BCAS3: variants seen among roughly 807,000 people sequenced by gnomAD.
BCAS3 encodes the protein BCAS3 microtubule associated cell migration factor.
A neutral mutation model predicts 116.1 loss-of-function variants in BCAS3; 53 were observed. The observed-to-expected ratio is 0.46, with a 90% CI of 0.37 to 0.57. The LOEUF is 0.57. BCAS3 is among the 20% of genes least tolerant of loss of function. The pLI is 0.00. For synonymous variants in BCAS3, 391 were observed against 408.2 expected (o/e 0.96, Z 0.51); for missense variants, 917 against 1,165.4 (o/e 0.79, Z 3.10).
In BCAS3 at chr17:61,205,615, G is replaced by A. The variant is rs1419060367; in HGVS notation, c.2425+121051G>A. ...GTCTGTGTGATTGCTACCACATGCT[G>A]TAGCGCCTCCTAACCCTGCCGTTGG... On this transcript the variant is annotated intron_variant, in intron 22 of 23. Coordinates refer to ENST00000407086, the MANE Select transcript of BCAS3 (RefSeq NM_017679.5). This position sits in a 1 kb window ranked among gnomAD's most constrained non-coding sequence, Gnocchi z 5.2. 1.3e-5 allele frequency among the ~76,000 whole-genome samples: 2 copies of A among 152,176 alleles called. No individual in the cohort carries two copies. Among genetic ancestry groups the A allele is most frequent in the Non-Finnish European group, 2.9e-5 (2 of 68,026 alleles).
At position 61,332,183 on chromosome 17, in the gene BCAS3, C is replaced by T. The variant is rs2056348744; in HGVS notation, c.2426-36144C>T. Among the ~76,000 whole-genome samples, 1 of 152,206 alleles carries T rather than the reference C, an allele frequency of 6.6e-6. No homozygotes were observed. Among genetic ancestry groups the T allele is most frequent in the Non-Finnish European group, 1.5e-5 (1 of 68,036 alleles). On this transcript the variant is annotated intron_variant, in intron 22 of 23. Transcript: ENST00000407086. The surrounding 1 kb of genome is among the most constrained non-coding windows in gnomAD (Gnocchi z 5.4). Reference sequence around the variant, plus strand: ...CTGGAAAGGCTCTGCAGAGAGACACCTGGATGGCTTCTCTTCTATGTTTCG... The same window carrying T: ...CTGGAAAGGCTCTGCAGAGAGACACTTGGATGGCTTCTCTTCTATGTTTCG...
At chr17:60,812,514 T>C (rs1598884601) in intron 7 of BCAS3, among the ~76,000 whole-genome samples, 1 of 152,124 alleles carries the variant, frequency 6.6e-6, no homozygotes, top group Admixed American at 6.5e-5. Context: ...GGAGATGTGA[T>C]AGTTTTGTAA....
At chr17:61,157,048 C>A (rs1366684559) in intron 22 of BCAS3, among the ~76,000 whole-genome samples, 1 of 152,132 alleles carries the variant, frequency 6.6e-6, no homozygotes, top group Non-Finnish European at 1.5e-5. Flanking sequence ...TGAACTTTCT[C>A]TTTGCTCTGG....
In BCAS3 at chr17:61,141,491, G is replaced by C. The variant is rs577130841; in HGVS notation, c.2425+56927G>C. Among the ~76,000 whole-genome samples the C allele has an allele frequency of 6.6e-6, 1 of 152,166 alleles. No homozygotes were observed. On this transcript the variant is annotated intron_variant, in intron 22 of 23. Coordinates refer to ENST00000407086, the MANE Select transcript of BCAS3 (RefSeq NM_017679.5). This position sits in a 1 kb window ranked among gnomAD's most constrained non-coding sequence, Gnocchi z 4.3. The stretch of plus-strand genomic sequence containing the variant: ...AAGGATTCCTTGAGTCCAGGAGTTC[G>C]AGACTGCAGTGAGTTATGATCACAC...
intron 19 of BCAS3, 22 bp from the exon 20 acceptor site, chr17:61,074,898 A>C: frequency 6.4e-7 from 1 of 1,554,304 alleles, no homozygotes; most frequent in South Asian, 1.2e-5. Flanking sequence ...AGTGGTTTAA[A>C]TCTATTTTCT....
chr17:61,128,667 G>A lies in BCAS3; in HGVS notation c.2425+44103G>A, dbSNP rs1037372055. The A allele has an allele frequency of 5.7e-5, 51 of 898,118 alleles. No individual in the cohort carries two copies. The highest frequency in any genetic ancestry group is 6.5e-5 in the Non-Finnish European group (49 of 750,804). 55.6% of individuals were successfully genotyped at this position (898,118 alleles called of 1,614,324 possible). Reference sequence around the variant, plus strand: ...GTTAGCCCTCTTTTGTATTGTTTCTGCATCGTCCTGTCAAACATCTGGAAA... The same window carrying A: ...GTTAGCCCTCTTTTGTATTGTTTCTACATCGTCCTGTCAAACATCTGGAAA... On this transcript the variant is annotated intron_variant, in intron 22 of 23. Coordinates refer to ENST00000407086, the MANE Select transcript of BCAS3 (RefSeq NM_017679.5). The surrounding 1 kb of genome is among the most constrained non-coding windows in gnomAD (Gnocchi z 4.1).
intron 22 of BCAS3, among the ~76,000 whole-genome samples, chr17:61,153,205 G>C (rs1007592121): frequency 6.6e-6 from 1 of 152,054 alleles, no homozygotes; most frequent in Non-Finnish European, 1.5e-5. Context: ...TTCAACTATT[G>C]TAACTAACTT....
At chr17:61,375,717 C>A (rs1198322851) in intron 23 of BCAS3, among the ~76,000 whole-genome samples, 1 of 152,174 alleles carries the variant, frequency 6.6e-6, no homozygotes, top group Non-Finnish European at 1.5e-5. Context: ...GGATTACAGG[C>A]ATGCGCCACC....
intron 22 of BCAS3, among the ~76,000 whole-genome samples, chr17:61,310,142 TTCTC>T (rs2054182720): frequency 6.6e-6 from 1 of 152,218 alleles, no homozygotes; most frequent in Admixed American, 6.5e-5. Context: ...GATCCCTTCT[TTCTC>T]CCTGCTTCCA....
At chr17:61,312,805 C>G (rs745839575) in intron 22 of BCAS3, among the ~76,000 whole-genome samples, 1 of 152,212 alleles carries the variant, frequency 6.6e-6, no homozygotes, top group Non-Finnish European at 1.5e-5. Context: ...AGAGCGTGAG[C>G]TTCAGCAGTA....
At chr17:61,314,416 G>A (rs1300815281) in intron 22 of BCAS3, among the ~76,000 whole-genome samples, 1 of 152,216 alleles carries the variant, frequency 6.6e-6, no homozygotes, top group African/African-American at 2.4e-5. Flanking sequence ...CAGCAGGCCT[G>A]GGCCTTCACC....
chr17:61,160,893 G>C (rs1158870221), intron 22 of BCAS3, among the ~76,000 whole-genome samples: 1 of 152,126 alleles, frequency 6.6e-6, no homozygotes, highest in African/African-American at 2.4e-5. Context: ...GGCAGCGACA[G>C]ATTAAAATAT....
Position 61,038,669 on chromosome 17 carries a change from T to A in BCAS3, c.1928+615T>A, listed in dbSNP as rs913732245. Among the ~76,000 whole-genome samples the A allele has an allele frequency of 2.9e-4, 37 of 127,878 alleles. 2 individuals are homozygous for A. In the South Asian group the frequency reaches 8.1e-3, roughly 28 times the overall value. 83.9% of individuals were successfully genotyped at this position (127,878 alleles called of 152,430 possible). On this transcript the variant is annotated intron_variant, in intron 18 of 23. Transcript: ENST00000407086. ...TTTTTTTGTTTTGTTTTTGTTTTTGTTTTTTTTTTTTTTTTTTTGGAGACA... is the reference window on the plus strand; with the variant it reads ...TTTTTTTGTTTTGTTTTTGTTTTTGATTTTTTTTTTTTTTTTTTGGAGACA...
At chr17:60,717,943 G>T (rs2038819191) in intron 5 of BCAS3, among the ~76,000 whole-genome samples, 1 of 152,204 alleles carries the variant, frequency 6.6e-6, no homozygotes, top group South Asian at 2.1e-4. Context: ...TCCCATGTGT[G>T]GGTGATGGGA....
At position 60,799,735 on chromosome 17, in the gene BCAS3, T is replaced by TTTTTTTTTTTA. The variant is rs1429156594; in HGVS notation, c.404-8269_404-8268insTTTTTTTTTTA. ...TTTTTTTTTTTTTTTTTTTTTTTTT[T>TTTTTTTTTTTA]AGTAGAACTGGGGTTTCACCATGTT... On this transcript the variant is annotated intron_variant, in intron 6 of 23. Transcript: ENST00000407086. 2.0e-4 allele frequency among the ~76,000 whole-genome samples: 20 copies of TTTTTTTTTTTA among 100,498 alleles called. 2 individuals carry two copies. The highest frequency in any genetic ancestry group is 7.0e-4 in the African/African-American group (20 of 28,704). The allele number at this position is 100,498 out of a possible 152,430, so 65.9% of individuals were successfully genotyped here.
chr17:60,894,814 A>G (rs996539938), intron 10 of BCAS3, among the ~76,000 whole-genome samples: 4 of 152,162 alleles, frequency 2.6e-5, no homozygotes, highest in Non-Finnish European at 4.4e-5. Context: ...TCTTGTATCT[A>G]TTGAGATGAT....
At chr17:61,370,639 G>A (rs1603121394) in intron 23 of BCAS3, among the ~76,000 whole-genome samples, 1 of 152,142 alleles carries the variant, frequency 6.6e-6, no homozygotes, top group Non-Finnish European at 1.5e-5. Flanking sequence ...CGCCTGCCTC[G>A]GCCTCCCAGA....
chr17:61,037,979 G>A lies in BCAS3; in HGVS notation c.1853G>A (p.Ser618Asn). 1 of 1,614,124 alleles carries A rather than the reference G, an allele frequency of 6.2e-7. No homozygotes were observed. Among genetic ancestry groups the A allele is most frequent in the Non-Finnish European group, 8.5e-7 (1 of 1,180,014 alleles). The change falls in exon 18 of 24, where the codon AGC becomes AAC. Residue 618 changes from serine (S) to asparagine (N), a missense_variant. Ser to Asn is a conservative substitution (Grantham distance 46, BLOSUM62 1). Around this residue, in one of 3 missense-constraint regions of BCAS3, gnomAD observed 807 missense variants for 1,026.0 expected, o/e 0.79. Transcript: ENST00000407086. This position sits in a 1 kb window ranked among gnomAD's most constrained non-coding sequence, Gnocchi z 4.7. ...CACATGATGGAGCCGCGACCCCTCA[G>A]CACTGCACCCAAGATTAGTGACGAC... ...VEHMMEPRPL[S>N]TAPKISDDTP...
At chr17:61,328,055 G>C (rs1159068690) in intron 22 of BCAS3, among the ~76,000 whole-genome samples, 1 of 151,960 alleles carries the variant, frequency 6.6e-6, no homozygotes, top group East Asian at 1.9e-4. Flanking sequence ...CAAAAGCACT[G>C]TTGTAACGGC....
Sources: gnomAD v4.1 joint callset for allele counts (sites outside exome capture counted in the v4.1 genomes callset) on GRCh38, gnomAD v4.1.1 for gene constraint, gnomAD v4.1.1 regional missense constraint, Gnocchi (gnomAD v3.1) non-coding constraint, MANE v1.5 for transcripts, NCBI Gene and HGNC (gene_info 2026-07-23, HGNC 2026-07-21) for gene names.